Variants in PTPRD observed in about 807,000 individuals in gnomAD.
PTPRD encodes the protein receptor-type tyrosine-protein phosphatase delta.
PTPRD carries 34 observed loss-of-function variants against 214.5 expected under a neutral mutation model. That is an observed-to-expected ratio of 0.16 (90% CI 0.12 to 0.21). PTPRD has a LOEUF of 0.21. Ranked by LOEUF, PTPRD falls within the 10% of genes least tolerant of loss-of-function variation. The pLI is 1.00. For missense variants in PTPRD, 2,545 were observed against 2,398.7 expected, an observed-to-expected ratio of 1.06 and a Z score of -1.27; for synonymous variants, 1,128 against 845.7, an observed-to-expected ratio of 1.33 and a Z score of -5.79.
chr9:9,833,065 C>A (rs1210045304), intron 5 of PTPRD, among the ~76,000 whole-genome samples: 1 of 151,876 alleles, frequency 6.6e-6, no homozygotes. Flanking sequence ...TAATACCTGA[C>A]AAACATAGAA....
chr9:10,491,872 C>T (rs944405894), intron 2 of PTPRD, among the ~76,000 whole-genome samples: 1 of 152,140 alleles, frequency 6.6e-6, no homozygotes, highest in Non-Finnish European at 1.5e-5. Context: ...TAGTCCCACA[C>T]CCCACAACAG....
At chr9:10,476,878 A>T (rs569924687) in intron 2 of PTPRD, among the ~76,000 whole-genome samples, 1 of 152,204 alleles carries the variant, frequency 6.6e-6, no homozygotes, top group East Asian at 1.9e-4. Context: ...GACAACAAGC[A>T]ATAGGTAAAG....
In PTPRD at chr9:9,066,786, C is replaced by T. The variant is rs756470966; in HGVS notation, c.-142-48051G>A. Among the ~76,000 whole-genome samples, 6 of 152,304 alleles carry T rather than the reference C, an allele frequency of 3.9e-5. No individual in the cohort carries two copies. In the East Asian group the frequency reaches 7.7e-4, roughly 20 times the overall value. Reference sequence around the variant, plus strand: ...ATCCAAAGCTGGAAGATAAACGGGACGGGCTTTCTCGCAGAACTTTGCGAA... The same window carrying T: ...ATCCAAAGCTGGAAGATAAACGGGATGGGCTTTCTCGCAGAACTTTGCGAA... On this transcript the variant is annotated intron_variant, in intron 10 of 45. Coordinates refer to ENST00000381196, the MANE Select transcript of PTPRD (RefSeq NM_002839.4).
chr9:8,913,477 T>C (rs1006887403), intron 11 of PTPRD, among the ~76,000 whole-genome samples: 1 of 152,204 alleles, frequency 6.6e-6, no homozygotes, highest in Admixed American at 6.5e-5. Context: ...TCAAGCAAAG[T>C]ATATTATTTA....
At chr9:8,840,762 T>G (rs1416573814) in intron 11 of PTPRD, among the ~76,000 whole-genome samples, 1 of 152,194 alleles carries the variant, frequency 6.6e-6, no homozygotes, top group Non-Finnish European at 1.5e-5. Flanking sequence ...CTTAATTTTT[T>G]TTTTACACAT....
At position 8,772,899 on chromosome 9, in the gene PTPRD, T is replaced by C. The variant is rs557975010; in HGVS notation, c.-103-38953A>G. 2.9e-4 allele frequency among the ~76,000 whole-genome samples: 44 copies of C among 152,330 alleles called. No individual in the cohort carries two copies. In the South Asian group the frequency reaches 8.9e-3, roughly 31 times the overall value. On this transcript the variant is annotated intron_variant, in intron 11 of 45. Coordinates refer to ENST00000381196, the MANE Select transcript of PTPRD (RefSeq NM_002839.4). ...TTGTTCTGAGATTCAGTTAAGATTCTTGGAAACATTTTGATAACTTTAGGC... is the reference window on the plus strand; with the variant it reads ...TTGTTCTGAGATTCAGTTAAGATTCCTGGAAACATTTTGATAACTTTAGGC...
intron 2 of PTPRD, among the ~76,000 whole-genome samples, chr9:10,554,942 G>C (rs1001554715): frequency 2.0e-5 from 3 of 152,074 alleles, no homozygotes; most frequent in African/African-American, 7.2e-5. Context: ...TTACAGGCGT[G>C]AGCCACCGCT....
intron 3 of PTPRD, among the ~76,000 whole-genome samples, chr9:10,045,363 C>A (rs1043318268): frequency 1.3e-5 from 2 of 151,588 alleles, no homozygotes; most frequent in Non-Finnish European, 3.0e-5. Flanking sequence ...AATTGAAAGT[C>A]TTGGGACAAG....
At chr9:8,402,309 G>A (rs371346152) in intron 36 of PTPRD, among the ~76,000 whole-genome samples, 1 of 152,122 alleles carries the variant, frequency 6.6e-6, no homozygotes, top group Non-Finnish European at 1.5e-5. Flanking sequence ...TATAAAACCA[G>A]CATAGGAACG....
intron 11 of PTPRD, among the ~76,000 whole-genome samples, chr9:8,854,169 G>T (rs892642512): frequency 6.6e-6 from 1 of 152,058 alleles, no homozygotes; most frequent in African/African-American, 2.4e-5. Context: ...AATTAAAAAG[G>T]TACCATGATT....
At chr9:9,244,911 A>C (rs933057301) in intron 9 of PTPRD, among the ~76,000 whole-genome samples, 28 of 152,212 alleles carry the variant, frequency 1.8e-4, no homozygotes, top group African/African-American at 2.9e-4. Context: ...AATATCCAGA[A>C]TCTACAAAGA....
chr9:10,362,850 A>AG (rs2097423352), intron 2 of PTPRD, among the ~76,000 whole-genome samples: 1 of 152,234 alleles, frequency 6.6e-6, no homozygotes, highest in Admixed American at 6.5e-5. Flanking sequence ...ACTGCACTCC[A>AG]GCTTGGGCGA....
At chr9:8,395,182 T>C (rs1303823015) in intron 36 of PTPRD, among the ~76,000 whole-genome samples, 2 of 152,188 alleles carry the variant, frequency 1.3e-5, no homozygotes, top group African/African-American at 4.8e-5. Flanking sequence ...TTCTTTGTTG[T>C]AAGACAGAAG....
chr9:9,154,195 A>G (rs946719613), intron 10 of PTPRD, among the ~76,000 whole-genome samples: 1 of 152,310 alleles, frequency 6.6e-6, no homozygotes, highest in Non-Finnish European at 1.5e-5. Context: ...TAATGCCACA[A>G]TGAATTACAG....
intron 11 of PTPRD, among the ~76,000 whole-genome samples, chr9:8,905,738 C>CAAAA (rs58429749): frequency 5.0e-5 from 5 of 99,032 alleles, no homozygotes; most frequent in African/African-American, 1.7e-4. Flanking sequence ...GACTCCCTCG[C>CAAAA]AAAAAAAAAA....
At chr9:10,186,495 A>G (rs2099330701) in intron 3 of PTPRD, among the ~76,000 whole-genome samples, 1 of 152,174 alleles carries the variant, frequency 6.6e-6, no homozygotes, top group Non-Finnish European at 1.5e-5. Flanking sequence ...GCATGAGGCT[A>G]TTATAACACA....
chr9:9,847,517 G>A (rs1461166583), intron 5 of PTPRD, among the ~76,000 whole-genome samples: 9 of 151,970 alleles, frequency 5.9e-5, no homozygotes, highest in Non-Finnish European at 1.0e-4. Flanking sequence ...CCTGTTCTCT[G>A]GACCTAATAT....
At chr9:10,325,067 C>T (rs2096619367) in intron 3 of PTPRD, among the ~76,000 whole-genome samples, 1 of 152,026 alleles carries the variant, frequency 6.6e-6, no homozygotes, top group African/African-American at 2.4e-5. Flanking sequence ...CCAGGTGGCT[C>T]TAGGTTTCAC....
intron 11 of PTPRD, among the ~76,000 whole-genome samples, chr9:8,754,833 C>T (rs759136134): frequency 6.6e-6 from 1 of 152,026 alleles, no homozygotes; most frequent in Non-Finnish European, 1.5e-5. Context: ...CCACAACAGC[C>T]CTGAAGCTAT....
Sources: allele counts gnomAD v4.1 joint callset (sites outside exome capture counted in the v4.1 genomes callset), GRCh38; gene constraint gnomAD v4.1.1; transcripts MANE v1.5; gene names NCBI Gene and HGNC (gene_info 2026-07-23, HGNC 2026-07-21).